Variants in TMEM178B observed in about 807,000 individuals in gnomAD.
TMEM178B encodes the protein transmembrane protein 178B.
In TMEM178B, 5 loss-of-function variants were observed where a neutral mutation model predicts 31.0. The observed-to-expected ratio is 0.16, with a 90% CI of 0.08 to 0.34. The LOEUF is 0.34. TMEM178B is among the 10% of genes least tolerant of loss of function. The pLI, the probability that TMEM178B is intolerant of heterozygous loss-of-function variation, is 1.00. For missense variants in TMEM178B, 275 were observed against 400.3 expected (o/e 0.69, Z 2.67); for synonymous variants, 164 against 164.0 (o/e 1.00, Z 0.00).
intron 2 of TMEM178B, among the ~76,000 whole-genome samples, chr7:141,432,478 T>A (rs1342625707): frequency 6.6e-6 from 1 of 152,198 alleles, no homozygotes; most frequent in Non-Finnish European, 1.5e-5. Flanking sequence ...TTTATCCCAC[T>A]CTACTGTGTG....
rs1796604639 is a variant in TMEM178B, at chr7:141,186,022, AC to A, written c.383-26567del. Reference sequence around the variant, plus strand: ...CCTTTTGAAACTTCAATTTCTTGAAACCTTCTAGATCCTTAGTAACTTACCA... The same window carrying A: ...CCTTTTGAAACTTCAATTTCTTGAAACTTCTAGATCCTTAGTAACTTACCA... On this transcript the variant is annotated intron_variant, in intron 1 of 3. Coordinates refer to ENST00000565468, the MANE Select transcript of TMEM178B (RefSeq NM_001195278.2). 2.0e-5 allele frequency among the ~76,000 whole-genome samples: 3 copies of A among 152,136 alleles called. No homozygotes were observed. The Middle Eastern group carries it at 0.01, about 517-fold the overall frequency.
intron 2 of TMEM178B, among the ~76,000 whole-genome samples, chr7:141,284,576 C>G (rs1163391767): frequency 1.3e-5 from 2 of 152,124 alleles, no homozygotes; most frequent in Non-Finnish European, 2.9e-5. Flanking sequence ...TTTAGCTGCC[C>G]TTCTCTAGAC....
intron 2 of TMEM178B, among the ~76,000 whole-genome samples, chr7:141,287,374 A>G (rs1798463627): frequency 6.6e-6 from 1 of 152,114 alleles, no homozygotes; most frequent in Admixed American, 6.6e-5. Flanking sequence ...TCTTTCTCAT[A>G]TATTCATAAT....
chr7:141,281,130 C>T (rs957243005), intron 2 of TMEM178B, among the ~76,000 whole-genome samples: 2 of 151,968 alleles, frequency 1.3e-5, no homozygotes, highest in East Asian at 1.9e-4. Context: ...ACCCTGTTAC[C>T]GGAGAGCCTG....
In TMEM178B at chr7:141,074,386, A is replaced by G; in HGVS notation, c.76A>G (p.Ile26Val). ...CGCCCTCGGCATGCTGGCCGTGGCC[A>G]TCTGCTCGGACCACTGGTACGAGAC... is the stretch of plus-strand genomic sequence containing the variant. ...LCALGMLAVA[I>V]CSDHWYETDA... The change falls in exon 1 of 4, where the codon ATC becomes GTC. Residue 26 changes from isoleucine to valine, a missense_variant. By Grantham distance (29) the Ile-to-Val change is conservative. Coordinates refer to ENST00000565468, the MANE Select transcript of TMEM178B (RefSeq NM_001195278.2). The surrounding 1 kb of genome is among the most constrained non-coding windows in gnomAD (Gnocchi z 5.1). The G allele has an allele frequency of 3.9e-6, 6 of 1,536,148 alleles. No homozygotes were observed. Among genetic ancestry groups the G allele is most frequent in the Non-Finnish European group, 3.5e-6 (4 of 1,146,878 alleles).
At chr7:141,371,445 A>T (rs1800114901) in intron 2 of TMEM178B, among the ~76,000 whole-genome samples, 1 of 152,182 alleles carries the variant, frequency 6.6e-6, no homozygotes, top group Admixed American at 6.5e-5. Flanking sequence ...CTTCTTATAC[A>T]ACCTGCAGAA....
chr7:141,229,100 G>GTGGTGTGTGT (rs1554465447), intron 2 of TMEM178B, among the ~76,000 whole-genome samples: 1 of 134,782 alleles, frequency 7.4e-6, no homozygotes, highest in Non-Finnish European at 1.6e-5. Context: ...GTGTGTGTGT[G>GTGGTGTGTGT]GTGTGTGTGT....
intron 2 of TMEM178B, among the ~76,000 whole-genome samples, chr7:141,240,813 A>T (rs1451571885): frequency 6.6e-6 from 1 of 151,816 alleles, no homozygotes; most frequent in Non-Finnish European, 1.5e-5. Flanking sequence ...TTGCTTTTCC[A>T]TGTCTCTGTT....
intron 2 of TMEM178B, among the ~76,000 whole-genome samples, chr7:141,252,800 G>A (rs984357541): frequency 6.6e-6 from 1 of 152,196 alleles, no homozygotes; most frequent in Non-Finnish European, 1.5e-5. Flanking sequence ...AAGTCTGAAA[G>A]CCAATACAGC....
chr7:141,147,452 G>T (rs1459610571), intron 1 of TMEM178B, among the ~76,000 whole-genome samples: 1 of 152,110 alleles, frequency 6.6e-6, no homozygotes, highest in East Asian at 1.9e-4. Flanking sequence ...TAAGATTTTT[G>T]CATTTTAAAA....
chr7:141,311,673 ATT>A (rs915312339), intron 2 of TMEM178B, among the ~76,000 whole-genome samples: 1 of 152,056 alleles, frequency 6.6e-6, no homozygotes, highest in South Asian at 2.1e-4. Context: ...TTAAAAAACT[ATT>A]TTTTTCTGGT....
intron 2 of TMEM178B, among the ~76,000 whole-genome samples, chr7:141,429,136 T>G (rs1041593968): frequency 6.6e-6 from 1 of 152,036 alleles, no homozygotes; most frequent in Non-Finnish European, 1.5e-5. Context: ...AAAATAGAAC[T>G]GCCATACAAT....
At chr7:141,163,071 G>A (rs930503222) in intron 1 of TMEM178B, among the ~76,000 whole-genome samples, 1 of 152,220 alleles carries the variant, frequency 6.6e-6, no homozygotes, top group Non-Finnish European at 1.5e-5. Flanking sequence ...TTTCTCCAGT[G>A]TCTTCAGGGT....
Position 141,290,610 on chromosome 7 carries a change from C to T in TMEM178B, c.496+77906C>T, listed in dbSNP as rs114756813. Among the ~76,000 whole-genome samples the T allele has an allele frequency of 9.2e-3, 1,400 of 152,288 alleles. 11 individuals carry two copies. The highest frequency in any genetic ancestry group is 0.014 in the Non-Finnish European group (924 of 68,024). On this transcript the variant is annotated intron_variant, in intron 2 of 3. Coordinates refer to ENST00000565468, the MANE Select transcript of TMEM178B (RefSeq NM_001195278.2). The stretch of plus-strand genomic sequence containing the variant: ...ACATGTAAACACATGCACACACACG[C>T]GCGTGCTTTAAATAATACATCACCT...
At chr7:141,093,650 TAG>T (rs1586763992) in intron 1 of TMEM178B, among the ~76,000 whole-genome samples, 1 of 152,146 alleles carries the variant, frequency 6.6e-6, no homozygotes, top group East Asian at 1.9e-4. Context: ...TCCAGCTTGA[TAG>T]AGCTCAGGGA....
chr7:141,351,775 A>AC (rs954235150), intron 2 of TMEM178B, among the ~76,000 whole-genome samples: 1 of 152,116 alleles, frequency 6.6e-6, no homozygotes, highest in Non-Finnish European at 1.5e-5. Context: ...CCTTTTTAGC[A>AC]CCCCCCAACT....
chr7:141,423,102 T>G (rs1179257228), intron 2 of TMEM178B, among the ~76,000 whole-genome samples: 1 of 152,266 alleles, frequency 6.6e-6, no homozygotes. Context: ...TGCAGTGGCG[T>G]GATCTCGGCT....
intron 2 of TMEM178B, among the ~76,000 whole-genome samples, chr7:141,336,688 C>G (rs930551870): frequency 6.6e-6 from 1 of 151,708 alleles, no homozygotes; most frequent in Non-Finnish European, 1.5e-5. Flanking sequence ...TGCTCATACA[C>G]TATTGTCCAA....
At chr7:141,380,735 C>G (rs1800300296) in intron 2 of TMEM178B, among the ~76,000 whole-genome samples, 2 of 152,116 alleles carry the variant, frequency 1.3e-5, no homozygotes, top group South Asian at 4.1e-4. Context: ...CATTCTGATC[C>G]TTGAGATAAT....
Sources: gnomAD v4.1 joint callset for allele counts (sites outside exome capture counted in the v4.1 genomes callset) on GRCh38, gnomAD v4.1.1 for gene constraint, Gnocchi (gnomAD v3.1) non-coding constraint, MANE v1.5 for transcripts, NCBI Gene and HGNC (gene_info 2026-07-23, HGNC 2026-07-21) for gene names.